Variants in RSF1 observed in about 807,000 individuals in gnomAD.
RSF1 encodes the protein HBV pX-associated protein 8.
Under a neutral mutation model 145.2 loss-of-function variants are expected in RSF1, and 13 were observed. That is an observed-to-expected ratio of 0.09 (90% CI 0.06 to 0.14). The LOEUF is 0.14. Ranked by LOEUF, RSF1 falls within the 10% of genes least tolerant of loss-of-function variation. RSF1 has a pLI of 1.00. For synonymous variants in RSF1, 577 were observed against 592.6 expected, an observed-to-expected ratio of 0.97 and a Z score of 0.38; for missense variants, 1,517 against 1,718.2, an observed-to-expected ratio of 0.88 and a Z score of 2.07.
In RSF1 at chr11:77,664,015, ACT is replaced by A. The variant is rs1356276644; in HGVS notation, c.*2900_*2901del. The A allele has an allele frequency of 1.3e-5, 2 of 152,082 alleles. No homozygotes were observed. The highest frequency in any genetic ancestry group is 2.9e-5 in the Non-Finnish European group (2 of 68,002). 9.4% of individuals were successfully genotyped at this position (152,082 alleles called of 1,614,324 possible). On this transcript the variant is annotated 3_prime_UTR_variant, in exon 16 of 16. Transcript: ENST00000308488. ...CTAAAAAAGATCCAAGACTGTCTAA[ACT>A]CTACATCAATTACTGCTTTCCTATA... is the stretch of plus-strand genomic sequence containing the variant.
intron 3 of RSF1, among the ~76,000 whole-genome samples, chr11:77,744,372 T>C (rs966764809): frequency 1.4e-4 from 22 of 152,240 alleles, no homozygotes; most frequent in African/African-American, 4.6e-4. Flanking sequence ...TTACCCAGGC[T>C]GAAGTGCAGT....
chr11:77,737,222 T>C (rs1961375768), intron 4 of RSF1, among the ~76,000 whole-genome samples: 1 of 151,874 alleles, frequency 6.6e-6, no homozygotes, highest in South Asian at 2.1e-4. Context: ...CCACAGCAAG[T>C]GAATAGCTTG....
chr11:77,805,427 C>T (rs905496216), intron 1 of RSF1, among the ~76,000 whole-genome samples: 4 of 150,540 alleles, frequency 2.7e-5, no homozygotes, highest in East Asian at 2.0e-4. Context: ...GGGGAGAAAG[C>T]GAGACTCCAT....
chr11:77,697,435 A>G (rs945633191), intron 7 of RSF1, among the ~76,000 whole-genome samples: 2 of 142,336 alleles, frequency 1.4e-5, no homozygotes, highest in African/African-American at 2.6e-5. Context: ...TGAACTGCAA[A>G]TTATATATAT....
Position 77,667,100 on chromosome 11 carries a change from C to T in RSF1, c.4143G>A (p.Glu1381=). 1.2e-6 allele frequency: 2 copies of T among 1,614,186 alleles called. No individual in the cohort carries two copies. Among genetic ancestry groups the T allele is most frequent in the South Asian group, 1.1e-5 (1 of 91,086 alleles). Residue 1381 remains glutamate (E), a synonymous_variant, in exon 16 of 16, where the codon GAG becomes GAA. Transcript: ENST00000308488. ...TCTCAGTAGGCTTGCCAATCAAGTT[C>T]TCAATGGCTTTGCCAGGGCTCTGTC... ...TNGQSPGKAI[E]NLIGKPTEKS...
chr11:77,774,464 C>T (rs1443145826), intron 1 of RSF1, among the ~76,000 whole-genome samples: 3 of 151,444 alleles, frequency 2.0e-5, no homozygotes, highest in African/African-American at 4.9e-5. Context: ...CCCAGCTACT[C>T]GGGAGGCTGA....
At chr11:77,668,470 C>G (rs1190631201) in intron 15 of RSF1, among the ~76,000 whole-genome samples, 1 of 152,232 alleles carries the variant, frequency 6.6e-6, no homozygotes, top group East Asian at 1.9e-4. Flanking sequence ...CTCTTAAACA[C>G]TGTGCCAACT....
At chr11:77,714,902 T>C (rs1960770690) in intron 5 of RSF1, among the ~76,000 whole-genome samples, 1 of 152,088 alleles carries the variant, frequency 6.6e-6, no homozygotes, top group African/African-American at 2.4e-5. Flanking sequence ...GGTGGGAGGA[T>C]TCCTTGAGGC....
rs1960433757 is a variant in RSF1 at position 77,701,855 on chromosome 11, T to C, written c.1374A>G (p.Glu458=). ...DERVAPNFKT[E]PIETKFYETK... is the part of the protein sequence containing the mutation. ...TCTCATAAAACTTTGTCTCTATTGG[T>C]TCTGTCTTAAAATTTGGAGCTACCC... Residue 458 remains glutamate (E), a synonymous_variant, in exon 6 of 16, where the codon GAA becomes GAG. Transcript: ENST00000308488. 1.2e-6 allele frequency: 2 copies of C among 1,613,988 alleles called. No homozygotes were observed. Among genetic ancestry groups the C allele is most frequent in the African/African-American group, 1.3e-5 (1 of 74,930 alleles).
intron 1 of RSF1, among the ~76,000 whole-genome samples, chr11:77,779,744 G>A (rs1296852903): frequency 2.6e-5 from 4 of 152,154 alleles, no homozygotes; most frequent in Non-Finnish European, 5.9e-5. Flanking sequence ...GATTTGTTCA[G>A]GTAACAGAAA....
chr11:77,684,057 A>G (rs1323136085), intron 10 of RSF1, among the ~76,000 whole-genome samples: 1 of 152,260 alleles, frequency 6.6e-6, no homozygotes, highest in East Asian at 1.9e-4. Context: ...TTGTGAGATT[A>G]TAACCAGTAC....
In RSF1 at chr11:77,701,749, T is replaced by G. The variant is rs779448668; in HGVS notation, c.1480A>C (p.Ile494Leu). The stretch of plus-strand genomic sequence containing the variant: ...AGCTCACCTGTTTTCATACTTGTTA[T>G]GACAGAATTTAAGGACTCTGTTCCA... ...GNGTESLNSV[I>L]TSMKTGELEK... Residue 494 changes from isoleucine (I) to leucine (L), a missense_variant, in exon 6 of 16, where the codon ATA (isoleucine) becomes CTA (leucine). By Grantham distance (5) the Ile-to-Leu change is conservative. Coordinates refer to ENST00000308488, the MANE Select transcript of RSF1 (RefSeq NM_016578.4). 3.7e-6 allele frequency: 6 copies of G among 1,613,866 alleles called. No individual in the cohort carries two copies. The Admixed American group carries it at 1.0e-4, about 27-fold the overall frequency.
In RSF1 at chr11:77,683,685, G is replaced by A. The variant is rs202011282; in HGVS notation, c.3065+25C>T. 58 of 1,486,224 alleles carry A rather than the reference G, an allele frequency of 3.9e-5. No individual in the cohort carries two copies. In the African/African-American group the frequency reaches 6.9e-4, roughly 18 times the overall value. The allele number at this position is 1,486,224 out of a possible 1,614,324, so 92.1% of individuals were successfully genotyped here. ...CTTGCAAAATAAATCCTCTTTTGCTGTAGACATTTCCATACACTTCATACC... is the reference window on the plus strand; with the variant it reads ...CTTGCAAAATAAATCCTCTTTTGCTATAGACATTTCCATACACTTCATACC... On this transcript the variant is annotated intron_variant, in intron 11 of 15. Transcript: ENST00000308488.
chr11:77,679,634 C>T (rs1380626894), intron 11 of RSF1, among the ~76,000 whole-genome samples: 1 of 150,570 alleles, frequency 6.6e-6, no homozygotes, highest in Non-Finnish European at 1.5e-5. Flanking sequence ...GAATGCACCA[C>T]TGCACTCCAG....
At position 77,702,054 on chromosome 11, in the gene RSF1, C is replaced by T. The variant is rs749201254; in HGVS notation, c.1175G>A (p.Ser392Asn). ...IPLKKREIKL[S>N]DDFDSPVKGP... ...CTTGACTGGACTGTCAAAATCATCA[C>T]TCAGTTTAATTTCTCGTTTTTTTAG... Residue 392 changes from serine (S) to asparagine (N), a missense_variant, in exon 6 of 16, where the codon AGT becomes AAT. Ser to Asn is a conservative substitution (Grantham distance 46). Coordinates refer to ENST00000308488, the MANE Select transcript of RSF1 (RefSeq NM_016578.4). The T allele has an allele frequency of 4.3e-6, 7 of 1,613,244 alleles. No individual in the cohort carries two copies. The highest frequency in any genetic ancestry group is 5.9e-6 in the Non-Finnish European group (7 of 1,179,808).
chr11:77,783,391 T>C (rs1428898867), intron 1 of RSF1, among the ~76,000 whole-genome samples: 1 of 152,230 alleles, frequency 6.6e-6, no homozygotes, highest in Admixed American at 6.5e-5. Context: ...GTCCAAGTTT[T>C]CATCCGAAGA....
rs143722742 is a variant in RSF1, at chr11:77,759,553, G to A, written c.279+5045C>T. ...ACAAAAATTAGCCAGGCATGGTGGC[G>A]TGTGCCTGTAATCCCAACTACTCAG... On this transcript the variant is annotated intron_variant, in intron 2 of 15. Transcript: ENST00000308488. Among the ~76,000 whole-genome samples the A allele has an allele frequency of 6.2e-3, 937 of 152,142 alleles. 9 individuals carry two copies. The highest frequency in any genetic ancestry group is 0.022 in the African/African-American group (909 of 41,506).
In RSF1 at chr11:77,693,390, G is replaced by A. The variant is rs1021857737; in HGVS notation, c.2820+117C>T. ...ATAAAAGGTAGAAATCTAAACAGAG[G>A]TAAATACTATTTACACATTGCTTTG... On this transcript the variant is annotated intron_variant, in intron 8 of 15. Coordinates refer to ENST00000308488, the MANE Select transcript of RSF1 (RefSeq NM_016578.4). 4 of 607,672 alleles carry A rather than the reference G, an allele frequency of 6.6e-6. No individual in the cohort carries two copies. The African/African-American group carries it at 7.4e-5, about 11-fold the overall frequency. 37.6% of individuals were successfully genotyped at this position (607,672 alleles called of 1,614,324 possible). A position where few individuals can be genotyped will look rare whatever the true frequency, so the allele number is the denominator to read the frequency against.
intron 2 of RSF1, among the ~76,000 whole-genome samples, chr11:77,758,064 G>T (rs1034210827): frequency 6.6e-6 from 1 of 151,622 alleles, no homozygotes; most frequent in African/African-American, 2.4e-5. Flanking sequence ...TCAGACCAGG[G>T]GACCAAGGCT....
Sources: allele counts gnomAD v4.1 joint callset (sites outside exome capture counted in the v4.1 genomes callset), GRCh38; gene constraint gnomAD v4.1.1; transcripts MANE v1.5; gene names NCBI Gene and HGNC (gene_info 2026-07-23, HGNC 2026-07-21).